Variants in FKBP5 observed in about 807,000 individuals in gnomAD.
FKBP5 encodes peptidyl-prolyl cis-trans isomerase FKBP5.
A neutral mutation model predicts 50.5 loss-of-function variants in FKBP5; 23 were observed. The ratio of observed to expected loss-of-function variants is 0.46; its 90% CI spans 0.33 to 0.65. The LOEUF (loss-of-function observed/expected upper bound fraction) is 0.65. Among genes scored for constraint, FKBP5 ranks in the 30% least tolerant of loss-of-function variants. The probability of loss-of-function intolerance (pLI) is 0.02; values close to 1 mark genes in which losing one functional copy is unlikely to be tolerated. For missense variants in FKBP5, 411 were observed against 553.1 expected, an observed-to-expected ratio of 0.74 and a Z score of 2.58; for synonymous variants, 176 against 190.6, an observed-to-expected ratio of 0.92 and a Z score of 0.63.
chr6:35,624,274 C>T (rs373892441), intron 3 of FKBP5, among the ~76,000 whole-genome samples: 7 of 152,140 alleles, frequency 4.6e-5, no homozygotes, highest in African/African-American at 1.2e-4. Context: ...TAAACAATCT[C>T]GCAAAATATC....
chr6:35,674,723 A>C (rs1002842829), intron 1 of FKBP5, among the ~76,000 whole-genome samples: 29 of 152,236 alleles, frequency 1.9e-4, no homozygotes, highest in Non-Finnish European at 2.9e-4. Context: ...TTAAGATGAC[A>C]CAGTAGCAGA....
At chr6:35,607,051 C>T (rs1252485808) in intron 5 of FKBP5, among the ~76,000 whole-genome samples, 1 of 152,150 alleles carries the variant, frequency 6.6e-6, no homozygotes, top group Non-Finnish European at 1.5e-5. Flanking sequence ...AGCAATTCTG[C>T]CTCAGCCTCC....
chr6:35,637,457 CTTTTTTTTTTTTT>C (rs71002581), intron 2 of FKBP5, among the ~76,000 whole-genome samples: 6 of 73,278 alleles, frequency 8.2e-5, no homozygotes, highest in East Asian at 8.8e-4. Context: ...ACAGTAAACT[CTTTTTTTTTTTTT>C]TTTTTTTTTT....
Position 35,582,330 on chromosome 6 carries a change from T to C in FKBP5, c.841-2109A>G, listed in dbSNP as rs1762457223. 4 of 978,678 alleles carry C rather than the reference T, an allele frequency of 4.1e-6. No individual in the cohort carries two copies. The African/African-American group carries it at 7.0e-5, about 17-fold the overall frequency. The allele number at this position is 978,678 out of a possible 1,614,324, so 60.6% of individuals were successfully genotyped here. On this transcript the variant is annotated intron_variant, in intron 8 of 10. Transcript: ENST00000357266. ...ACTGAATTGTGTCCCCCATCCTAAA[T>C]TCCTATGTTGAAGCCCTCACCCCGA...
chr6:35,679,533 A>G (rs4713908), intron 1 of FKBP5, among the ~76,000 whole-genome samples: 6,770 of 152,334 alleles, frequency 0.044, 195 homozygotes, highest in African/African-American at 0.085. Context: ...TGAAAAATAT[A>G]TAAGTTAAAT....
intron 1 of FKBP5, among the ~76,000 whole-genome samples, chr6:35,726,666 A>G (rs930563505): frequency 4.0e-5 from 6 of 151,698 alleles, no homozygotes; most frequent in Admixed American, 3.9e-4. Flanking sequence ...CCCTATAGCT[A>G]TTACACACAT....
chr6:35,629,889 A>T (rs79682771), intron 3 of FKBP5, among the ~76,000 whole-genome samples: 2,148 of 152,270 alleles, frequency 0.014, 50 homozygotes, highest in African/African-American at 0.048. Context: ...GGGGACAATT[A>T]AAAAAATTAA....
intron 1 of FKBP5, among the ~76,000 whole-genome samples, chr6:35,652,968 T>A (rs1163237326): frequency 6.6e-6 from 1 of 151,934 alleles, no homozygotes; most frequent in Non-Finnish European, 1.5e-5. Context: ...CTTAGGAAAA[T>A]AGAAAAGAAC....
At chr6:35,685,195 T>C (rs1765788135) in intron 1 of FKBP5, among the ~76,000 whole-genome samples, 1 of 152,254 alleles carries the variant, frequency 6.6e-6, no homozygotes, top group African/African-American at 2.4e-5. Flanking sequence ...CTTATTAATC[T>C]GTTAGTAACC....
chr6:35,609,190 G>A (rs116903940), intron 5 of FKBP5, among the ~76,000 whole-genome samples: 1 of 151,170 alleles, frequency 6.6e-6, no homozygotes, highest in East Asian at 1.9e-4. Context: ...TTTTTTTCTC[G>A]CTACTGTTTC....
intron 5 of FKBP5, among the ~76,000 whole-genome samples, chr6:35,612,824 G>A (rs887127929): frequency 6.6e-6 from 1 of 152,186 alleles, no homozygotes; most frequent in Non-Finnish European, 1.5e-5. Flanking sequence ...CCTCCCAGTG[G>A]GTCCTTCCCA....
chr6:35,650,005 G>C (rs912658537), intron 1 of FKBP5, among the ~76,000 whole-genome samples: 5 of 152,140 alleles, frequency 3.3e-5, no homozygotes, highest in African/African-American at 1.2e-4. Flanking sequence ...ATTTAGCTAA[G>C]AGTCTAAACA....
chr6:35,625,132 G>A (rs1176256652), intron 3 of FKBP5, among the ~76,000 whole-genome samples: 1 of 152,178 alleles, frequency 6.6e-6, no homozygotes, highest in African/African-American at 2.4e-5. Context: ...TGCCCAGGCT[G>A]GAGTGCAGTG....
At chr6:35,597,994 A>C (rs116289522) in intron 5 of FKBP5, among the ~76,000 whole-genome samples, 2 of 152,370 alleles carry the variant, frequency 1.3e-5, no homozygotes, top group African/African-American at 4.8e-5. Flanking sequence ...ACTGGAAATA[A>C]TAAATGTAAA....
intron 5 of FKBP5, 91 bp from the exon 6 acceptor site, chr6:35,597,495 A>C: frequency 7.2e-7 from 1 of 1,394,650 alleles, no homozygotes; most frequent in Non-Finnish European, 9.7e-7. Context: ...ACAATGTAGC[A>C]AATACCATTT....
intron 3 of FKBP5, among the ~76,000 whole-genome samples, chr6:35,625,333 C>T (rs1214710574): frequency 6.6e-6 from 1 of 152,104 alleles, no homozygotes. Context: ...GGTCTGCCCA[C>T]CTCGGCCTCC....
intron 1 of FKBP5, among the ~76,000 whole-genome samples, chr6:35,686,956 A>C (rs1309937321): frequency 6.6e-6 from 1 of 152,244 alleles, no homozygotes; most frequent in African/African-American, 2.4e-5. Flanking sequence ...TAAAACAATA[A>C]AGACCACTAT....
At chr6:35,689,301 G>A (rs890179540), upstream of FKBP5, among the ~76,000 whole-genome samples, 2 of 152,204 alleles carry the variant, frequency 1.3e-5, no homozygotes, top group African/African-American at 4.8e-5. Context: ...TCTGTCCACA[G>A]GGCCTACCTA....
intron 5 of FKBP5, among the ~76,000 whole-genome samples, chr6:35,605,996 A>T (rs1041325609): frequency 7.2e-5 from 11 of 152,254 alleles, no homozygotes; most frequent in Admixed American, 1.3e-4. Context: ...ACTCTTCTGG[A>T]CATTGCCTAG....
Sources: gnomAD v4.1 joint callset for allele counts (sites outside exome capture counted in the v4.1 genomes callset) on GRCh38, gnomAD v4.1.1 for gene constraint, MANE v1.5 for transcripts, NCBI Gene and HGNC (gene_info 2026-07-23, HGNC 2026-07-21) for gene names.